GATAD2B: variants seen among roughly 807,000 people sequenced by gnomAD.
GATAD2B encodes the protein GATA zinc finger domain containing 2B.
Under a neutral mutation model 64.3 loss-of-function variants are expected in GATAD2B, and 8 were observed. The ratio of observed to expected loss-of-function variants is 0.12; its 90% CI spans 0.07 to 0.22. The LOEUF is 0.22. Among genes scored for constraint, GATAD2B ranks in the 10% least tolerant of loss-of-function variants. GATAD2B has a pLI of 1.00. For synonymous variants in GATAD2B, 281 were observed against 271.3 expected (o/e 1.04, Z -0.35); for missense variants, 453 against 752.0 (o/e 0.60, Z 4.65).
Position 153,808,109 on chromosome 1 carries a change from A to AC in GATAD2B, c.*2067dup, listed in dbSNP as rs1214051086. The stretch of plus-strand genomic sequence containing the variant: ...AATAATCCCAGACCCAGTTCCATTA[A>AC]CCCCCCTCCCTCTCCCACCACTTAC... On this transcript the variant is annotated 3_prime_UTR_variant, in exon 11 of 11. Coordinates refer to ENST00000368655, the MANE Select transcript of GATAD2B (RefSeq NM_020699.4). 4 of 151,452 alleles carry AC rather than the reference A, an allele frequency of 2.6e-5. No homozygotes were observed. The highest frequency in any genetic ancestry group is 4.4e-5 in the Non-Finnish European group (3 of 67,848). 9.4% of individuals were successfully genotyped at this position (151,452 alleles called of 1,614,324 possible).
chr1:153,901,197 G>A (rs1050298727), intron 1 of GATAD2B, among the ~76,000 whole-genome samples: 1 of 148,100 alleles, frequency 6.8e-6, no homozygotes, highest in South Asian at 2.2e-4. Context: ...CTGGGCAACA[G>A]AGCAAAATTC....
intron 1 of GATAD2B, chr1:153,852,684 GCTT>G: frequency 1.1e-6 from 1 of 913,164 alleles, no homozygotes; most frequent in Non-Finnish European, 1.8e-6. Flanking sequence ...TTTTTGCTTA[GCTT>G]CTTTAACCCT....
intron 7 of GATAD2B, among the ~76,000 whole-genome samples, chr1:153,814,453 A>G (rs1000424535): frequency 2.6e-5 from 4 of 152,214 alleles, no homozygotes; most frequent in African/African-American, 9.6e-5. Flanking sequence ...ATTCAGTACA[A>G]TGTTGCAAAA....
Position 153,852,085 on chromosome 1 carries a change from T to C in GATAD2B, c.-1-23737A>G. On this transcript the variant is annotated intron_variant, in intron 1 of 10. Transcript: ENST00000368655. ...ACTGGCTGGCCGCATCATTCACTGGTGACAGGGGCAAGTTTAATGAGTTTT... is the reference window on the plus strand; with the variant it reads ...ACTGGCTGGCCGCATCATTCACTGGCGACAGGGGCAAGTTTAATGAGTTTT... 5.3e-6 allele frequency: 3 copies of C among 563,238 alleles called. No individual in the cohort carries two copies. In the South Asian group the frequency reaches 8.0e-5, roughly 15 times the overall value. The allele number at this position is 563,238 out of a possible 1,614,324, so 34.9% of individuals were successfully genotyped here. A position where few individuals can be genotyped will look rare whatever the true frequency, so the allele number is the denominator to read the frequency against.
At chr1:153,828,602 A>G (rs558387353) in intron 1 of GATAD2B, among the ~76,000 whole-genome samples, 1 of 152,204 alleles carries the variant, frequency 6.6e-6, no homozygotes, top group East Asian at 1.9e-4. Flanking sequence ...TTAAATCTAC[A>G]TAAGCAAGGC....
At chr1:153,891,605 G>C (rs535080810) in intron 1 of GATAD2B, among the ~76,000 whole-genome samples, 19 of 120,286 alleles carry the variant, frequency 1.6e-4, no homozygotes, top group African/African-American at 3.6e-4. Flanking sequence ...AAAAGAGGTG[G>C]GGGGGAGAGG....
intron 1 of GATAD2B, among the ~76,000 whole-genome samples, chr1:153,854,934 C>T (rs750975280): frequency 5.3e-5 from 8 of 151,950 alleles, no homozygotes; most frequent in Non-Finnish European, 5.9e-5. Context: ...TCAATGAGCA[C>T]GGTCTCTTCA....
chr1:153,890,316 G>A (rs1337861010), intron 1 of GATAD2B, among the ~76,000 whole-genome samples: 2 of 151,224 alleles, frequency 1.3e-5, no homozygotes, highest in African/African-American at 2.4e-5. Flanking sequence ...GTGAGACCCC[G>A]TCTCTCCTAA....
chr1:153,822,772 C>T (rs974172063), intron 2 of GATAD2B, among the ~76,000 whole-genome samples: 2 of 152,150 alleles, frequency 1.3e-5, no homozygotes, highest in African/African-American at 4.8e-5. Flanking sequence ...GCTGGGATTA[C>T]AGGCATGAGC....
At chr1:153,898,216 G>A (rs1474311089) in intron 1 of GATAD2B, among the ~76,000 whole-genome samples, 1 of 144,612 alleles carries the variant, frequency 6.9e-6, no homozygotes, top group Non-Finnish European at 1.5e-5. Flanking sequence ...TAAGGAGAGA[G>A]AGGATTGCTA....
intron 1 of GATAD2B, among the ~76,000 whole-genome samples, chr1:153,828,625 G>C (rs1336959203): frequency 6.6e-6 from 1 of 151,402 alleles, no homozygotes; most frequent in Non-Finnish European, 1.5e-5. Context: ...GTTGACACGT[G>C]CCCTTAATTC....
intron 1 of GATAD2B, among the ~76,000 whole-genome samples, chr1:153,849,651 G>C (rs1212271594): frequency 6.6e-6 from 1 of 151,016 alleles, no homozygotes; most frequent in Non-Finnish European, 1.5e-5. Context: ...TTCTTTTTTT[G>C]AGACAGTTTC....
chr1:153,903,033 C>G (rs1350663520), intron 1 of GATAD2B, among the ~76,000 whole-genome samples: 1 of 151,914 alleles, frequency 6.6e-6, no homozygotes, highest in African/African-American at 2.4e-5. Flanking sequence ...CTGGCTAACA[C>G]GGTGAAACCT....
chr1:153,871,367 T>C (rs1676659765), intron 1 of GATAD2B, among the ~76,000 whole-genome samples: 1 of 150,248 alleles, frequency 6.7e-6, no homozygotes, highest in Non-Finnish European at 1.5e-5. Context: ...ACCCGGCCAC[T>C]TGTTTTTTTG....
At chr1:153,826,284 G>T (rs1250425891) in intron 2 of GATAD2B, among the ~76,000 whole-genome samples, 4 of 152,056 alleles carry the variant, frequency 2.6e-5, no homozygotes, top group Non-Finnish European at 4.4e-5. Context: ...CTCTCAAAGT[G>T]CTGGGATTAC....
At chr1:153,862,999 T>C (rs1000367386) in intron 1 of GATAD2B, among the ~76,000 whole-genome samples, 14 of 149,602 alleles carry the variant, frequency 9.4e-5, no homozygotes, top group African/African-American at 1.2e-4. Context: ...GCTGGGATTA[T>C]AGGCATGAGG....
At chr1:153,921,899 A>AT (rs1455634588) in intron 1 of GATAD2B, 1 of 152,224 alleles carries the variant, frequency 6.6e-6, no homozygotes, top group East Asian at 1.9e-4. Flanking sequence ...CTGCACTCGC[A>AT]TGAGTGGCTC....
chr1:153,852,462 T>A (rs906618533), intron 1 of GATAD2B: 1 of 757,622 alleles, frequency 1.3e-6, no homozygotes, highest in Admixed American at 1.7e-5. Context: ...CTAAGTCAGG[T>A]TGCAGGCAAT....
chr1:153,832,274 A>G (rs922913862), intron 1 of GATAD2B, among the ~76,000 whole-genome samples: 3 of 152,218 alleles, frequency 2.0e-5, no homozygotes, highest in African/African-American at 7.2e-5. Context: ...AAGGAAATTA[A>G]AAGTGCTATT....
Sources: allele counts gnomAD v4.1 joint callset (sites outside exome capture counted in the v4.1 genomes callset), GRCh38; gene constraint gnomAD v4.1.1; transcripts MANE v1.5; gene names NCBI Gene and HGNC (gene_info 2026-07-23, HGNC 2026-07-21).